The following DYNC2LI1 variants were observed in gnomAD, a reference collection of about 807,000 sequenced individuals.
DYNC2LI1 encodes the protein cytoplasmic dynein 2 light intermediate chain 1.
A neutral mutation model predicts 51.9 loss-of-function variants in DYNC2LI1; 45 were observed. That is an observed-to-expected ratio of 0.87 (90% confidence interval 0.68 to 1.11). The LOEUF (loss-of-function observed/expected upper bound fraction) is 1.11. DYNC2LI1 is among the 50% of genes most tolerant of loss of function. The probability of loss-of-function intolerance (pLI) is 0.00; values close to 1 mark genes in which losing one functional copy is unlikely to be tolerated. For missense variants in DYNC2LI1, 490 were observed against 417.4 expected (o/e 1.17, Z -1.51); for synonymous variants, 130 against 137.8 (o/e 0.94, Z 0.40).
rs1189719140 is a variant in DYNC2LI1 at position 43,776,812 on chromosome 2, A to G, written c.39A>G (p.Glu13=). The G allele has an allele frequency of 6.3e-7, 1 of 1,593,356 alleles. No individual in the cohort carries two copies. Among genetic ancestry groups the G allele is most frequent in the Non-Finnish European group, 8.5e-7 (1 of 1,169,996 alleles). ...SETLWEIAKA[E]VEKRGINGSE... ...CTCTCTGGGAAATTGCAAAAGCTGA[A>G]GTGGAAAAAAGGGGAATTAATGGAA... The change falls in exon 2 of 13, where the codon GAA becomes GAG. Residue 13 remains glutamate, a synonymous_variant. Coordinates refer to ENST00000260605, the MANE Select transcript of DYNC2LI1 (RefSeq NM_016008.4).
At chr2:43,825,136 T>G in the DYNC2LI1 span, 4 of 1,241,918 alleles carry the variant, frequency 3.2e-6, no homozygotes, top group East Asian at 1.0e-4. Context: ...CACCAAGTCC[T>G]TATGGGAAAT....
chr2:43,824,136 T>C, the DYNC2LI1 span: 1 of 1,614,194 alleles, frequency 6.2e-7, no homozygotes, highest in Non-Finnish European at 8.5e-7. Flanking sequence ...CAAACAACCC[T>C]GTTTTAATTC....
At chr2:43,779,542 C>G (rs1157295344) in intron 2 of DYNC2LI1, among the ~76,000 whole-genome samples, 1 of 152,162 alleles carries the variant, frequency 6.6e-6, no homozygotes, top group African/African-American at 2.4e-5. Context: ...TGTATCAGGA[C>G]TTGTACACCA....
chr2:43,803,225 G>A (rs72794902), intron 10 of DYNC2LI1, among the ~76,000 whole-genome samples: 102 of 152,272 alleles, frequency 6.7e-4, no homozygotes, highest in Admixed American at 1.4e-3. Flanking sequence ...CTAGGCATAT[G>A]TTCATGGCAG....
At chr2:43,795,809 T>C (rs1674008334) in intron 6 of DYNC2LI1, 81 bp from the exon 7 acceptor site, 2 of 1,048,924 alleles carry the variant, frequency 1.9e-6, no homozygotes, top group East Asian at 2.4e-5. Flanking sequence ...GAAAATGGAA[T>C]GTTTTTGGAA....
intron 5 of DYNC2LI1, chr2:43,792,674 A>G: frequency 1.3e-6 from 2 of 1,542,284 alleles, no homozygotes; most frequent in Non-Finnish European, 8.7e-7. Flanking sequence ...TTCCTTCCCC[A>G]GCTCCTGGCA....
chr2:43,826,544 C>T, the DYNC2LI1 span: 3 of 1,614,142 alleles, frequency 1.9e-6, no homozygotes, highest in Admixed American at 1.7e-5. Flanking sequence ...AAGGGCCAGA[C>T]TTCTAAGGTA....
At chr2:43,813,312 G>A (rs1666580836), downstream of DYNC2LI1, 2 of 1,604,974 alleles carry the variant, frequency 1.2e-6, no homozygotes, top group African/African-American at 2.7e-5. Context: ...TGAGCTGCCT[G>A]TCAAGGAAAA....
intron 1 of DYNC2LI1, among the ~76,000 whole-genome samples, chr2:43,775,039 A>G (rs1005104290): frequency 2.9e-4 from 35 of 119,018 alleles, no homozygotes; most frequent in African/African-American, 1.2e-3. Flanking sequence ...TGGTTCTTGA[A>G]TAGTATAATT....
the DYNC2LI1 span, chr2:43,824,160 T>C: frequency 6.2e-7 from 1 of 1,614,112 alleles, no homozygotes; most frequent in East Asian, 2.2e-5. Context: ...TTCAGAATTG[T>C]TATTGGGGGA....
chr2:43,776,477 C>A (rs1056794990), intron 1 of DYNC2LI1, among the ~76,000 whole-genome samples: 1 of 152,142 alleles, frequency 6.6e-6, no homozygotes, highest in African/African-American at 2.4e-5. Context: ...CCATATGTGT[C>A]TGAGAAGCTG....
Position 43,796,720 on chromosome 2 carries a change from T to A in DYNC2LI1, c.579T>A (p.Asp193Glu). 1.9e-6 allele frequency: 3 copies of A among 1,609,488 alleles called. No homozygotes were observed. Among genetic ancestry groups the A allele is most frequent in the Non-Finnish European group, 2.6e-6 (3 of 1,176,258 alleles). Residue 193 changes from aspartate to glutamate, a missense_variant and splice_region_variant, in exon 8 of 13, where the codon GAT (aspartate) becomes GAA (glutamate). Coordinates refer to ENST00000260605, the MANE Select transcript of DYNC2LI1 (RefSeq NM_016008.4). ...TTTAAAATAACATATTTCTACAGGA[T>A]TTTGAGTCTGAGAAGAGAAAGGTAA... is the stretch of plus-strand genomic sequence containing the variant. ...IIGSKYDVFQ[D>E]FESEKRKVIC...
chr2:43,825,897 G>C, the DYNC2LI1 span, among the ~76,000 whole-genome samples: 1 of 152,186 alleles, frequency 6.6e-6, no homozygotes, highest in African/African-American at 2.4e-5. Flanking sequence ...GAACATGGTA[G>C]GTGCTGAAAG....
At chr2:43,783,721 A>G (rs1286312932) in intron 3 of DYNC2LI1, among the ~76,000 whole-genome samples, 167 bp downstream of exon 3, 2 of 152,208 alleles carry the variant, frequency 1.3e-5, no homozygotes, top group Non-Finnish European at 2.9e-5. Flanking sequence ...TAAATATAAA[A>G]CTAACAATAA....
At chr2:43,821,233 G>GT in the DYNC2LI1 span, among the ~76,000 whole-genome samples, 767 of 152,250 alleles carry the variant, frequency 5.0e-3, 9 homozygotes, top group African/African-American at 0.018. Flanking sequence ...CTTCTGTGAT[G>GT]TTTAAAACAT....
chr2:43,789,035 T>C (rs1368972703), intron 4 of DYNC2LI1, among the ~76,000 whole-genome samples: 1 of 152,234 alleles, frequency 6.6e-6, no homozygotes, highest in Non-Finnish European at 1.5e-5. Flanking sequence ...TGAACTCTTG[T>C]TCCCCCACCT....
downstream of DYNC2LI1, among the ~76,000 whole-genome samples, chr2:43,813,744 G>A (rs544866366): frequency 1.1e-5 from 1 of 89,866 alleles, no homozygotes; most frequent in South Asian, 4.0e-4. Context: ...TTGAGACACA[G>A]TTTCACTCTG....
At chr2:43,789,539 T>C (rs1673681489) in intron 4 of DYNC2LI1, 94 bp from the exon 5 acceptor site, 1 of 1,039,742 alleles carries the variant, frequency 9.6e-7, no homozygotes, top group African/African-American at 1.6e-5. Context: ...GATTAAGGAC[T>C]GCAATATTTT....
At chr2:43,778,373 C>T (rs1673118948) in intron 2 of DYNC2LI1, among the ~76,000 whole-genome samples, 1 of 152,138 alleles carries the variant, frequency 6.6e-6, no homozygotes, top group African/African-American at 2.4e-5. Flanking sequence ...AGGCTGACCT[C>T]AAACTCCTGG....
Sources: allele counts gnomAD v4.1 joint callset (sites outside exome capture counted in the v4.1 genomes callset), GRCh38; gene constraint gnomAD v4.1.1; transcripts MANE v1.5; gene names NCBI Gene and HGNC (gene_info 2026-07-23, HGNC 2026-07-21).